SLA: variants seen among roughly 807,000 people sequenced by gnomAD.
SLA encodes Src like adaptor, also known as src-like-adapter.
In SLA, 16 loss-of-function variants were observed where a neutral mutation model predicts 30.3. The observed-to-expected ratio is 0.53, with a 90% CI of 0.36 to 0.80. The LOEUF is 0.80. Among genes scored for constraint, SLA ranks in the 30% least tolerant of loss-of-function variants. The pLI is 0.01. For synonymous variants in SLA, 143 were observed against 137.8 expected (o/e 1.04, Z -0.26); for missense variants, 310 against 345.2 (o/e 0.90, Z 0.81).
intron 2 of SLA, among the ~76,000 whole-genome samples, chr8:133,067,897 AG>A (rs1564145707): frequency 3.5e-4 from 41 of 116,010 alleles, no homozygotes; most frequent in South Asian, 1.2e-3. Flanking sequence ...TATGTATGGA[AG>A]GAAGGAAGGA....
intron 1 of SLA, among the ~76,000 whole-genome samples, chr8:133,090,755 G>A (rs1007901196): frequency 6.6e-6 from 1 of 152,182 alleles, no homozygotes; most frequent in African/African-American, 2.4e-5. Context: ...GTTAGGAACT[G>A]GAAGCTCAGA....
intron 1 of SLA, among the ~76,000 whole-genome samples, chr8:133,101,027 C>T (rs1849172944): frequency 6.6e-6 from 1 of 152,086 alleles, no homozygotes; most frequent in South Asian, 2.1e-4. Context: ...CTAACTAGTC[C>T]TTTGGAAAGC....
intron 7 of SLA, 88 bp downstream of exon 7, chr8:133,044,896 C>T (rs1288063069): frequency 2.2e-6 from 3 of 1,340,058 alleles, no homozygotes; most frequent in Non-Finnish European, 2.1e-6. Flanking sequence ...AAGCAAGACC[C>T]CTCTGCATTC....
intron 1 of SLA, chr8:133,095,047 G>A (rs769050898): frequency 5.0e-6 from 8 of 1,613,358 alleles, no homozygotes; most frequent in Non-Finnish European, 6.8e-6. Context: ...CTTCCAGGGA[G>A]GCTCCGCACT....
At chr8:133,071,373 G>C (rs1367950162) in intron 2 of SLA, among the ~76,000 whole-genome samples, 1 of 152,198 alleles carries the variant, frequency 6.6e-6, no homozygotes, top group East Asian at 1.9e-4. Flanking sequence ...CTAGAGCCTG[G>C]CTCCCAGCTA....
At chr8:133,040,870 C>G (rs565891784) in intron 7 of SLA, among the ~76,000 whole-genome samples, 1 of 152,330 alleles carries the variant, frequency 6.6e-6, no homozygotes, top group Admixed American at 6.5e-5. Context: ...CTCTTTCACT[C>G]TAGAAGCTCA....
intron 2 of SLA, 27 bp downstream of exon 2, chr8:133,074,826 C>T (rs1288006708): frequency 1.2e-5 from 12 of 984,492 alleles, no homozygotes; most frequent in Admixed American, 6.1e-5. Context: ...CTCCCCACCC[C>T]ATCTCTGCCA....
At chr8:133,050,180 G>A (rs1299878387) in intron 4 of SLA, 192 bp from the exon 5 acceptor site, 6 of 584,422 alleles carry the variant, frequency 1.0e-5, no homozygotes, top group Admixed American at 5.6e-5. Context: ...CCAGTGGATA[G>A]CCCTCCATTG....
At chr8:133,077,868 C>T (rs931144421) in intron 1 of SLA, among the ~76,000 whole-genome samples, 6 of 152,052 alleles carry the variant, frequency 3.9e-5, no homozygotes, top group Non-Finnish European at 7.4e-5. Flanking sequence ...AGGAGCCCCC[C>T]GCACCCCTCC....
At chr8:133,055,824 CCAGCAGCAGCAGCAGCAGCAG>C (rs36210010) in intron 3 of SLA, among the ~76,000 whole-genome samples, 72,864 of 150,726 alleles carry the variant, frequency 0.48, 18,448 homozygotes, top group African/African-American at 0.62. Context: ...CTCCTCATCA[CCAGCAGCAGCAGCAGCAGCAG>C]CAGCAGCAGC....
rs142545358 is a variant in SLA at position 133,038,498 on chromosome 8, G to T, written c.*26C>A. 2.5e-3 allele frequency: 3,768 copies of T among 1,534,448 alleles called. 11 individuals are homozygous for T. The highest frequency in any genetic ancestry group is 3.0e-3 in the Non-Finnish European group (3,337 of 1,107,244). On this transcript the variant is annotated 3_prime_UTR_variant, in exon 9 of 9. Coordinates refer to ENST00000338087, the MANE Select transcript of SLA (RefSeq NM_001045556.3). ...TAGTTGGAACTTCTGTTCCTTTTGG[G>T]CATGAACCATTGTGTCTGTTCTTGG... is the stretch of plus-strand genomic sequence containing the variant.
At chr8:133,066,930 G>A (rs1008097534) in intron 2 of SLA, among the ~76,000 whole-genome samples, 6 of 152,256 alleles carry the variant, frequency 3.9e-5, no homozygotes, top group South Asian at 4.1e-4. Flanking sequence ...CTCTGTCTGG[G>A]CCAAAGAGTC....
At chr8:133,050,055 A>G in intron 4 of SLA, 67 bp from the exon 5 acceptor site, 2 of 1,010,002 alleles carry the variant, frequency 2.0e-6, no homozygotes, top group Non-Finnish European at 1.6e-6. Flanking sequence ...ATGAATGAAC[A>G]GAGTAATCAG....
At position 133,050,899 on chromosome 8, in the gene SLA, G is replaced by A. The variant is rs1405947277; in HGVS notation, c.78C>T (p.Phe26=). 6 of 1,612,832 alleles carry A rather than the reference G, an allele frequency of 3.7e-6. No homozygotes were observed. In the South Asian group the frequency reaches 4.4e-5, roughly 12 times the overall value. ...LPNPEGLDSD[F]LAVLSDYPSP... ...ACGGGTAGTCACTTAGCACGGCAAG[G>A]AAGTCGCTATCCAGTCCTGGGGAAA... The change falls in exon 4 of 9, where the codon TTC becomes TTT. Residue 26 remains phenylalanine (F), a synonymous_variant. Transcript: ENST00000338087.
chr8:133,050,065 G>A (rs1840118114), intron 4 of SLA, 77 bp from the exon 5 acceptor site: 3 of 953,328 alleles, frequency 3.1e-6, no homozygotes, highest in Non-Finnish European at 5.2e-6. Context: ...AGAGTAATCA[G>A]ATTTAACCCA....
At chr8:133,049,772 G>A in intron 5 of SLA, 130 bp downstream of exon 5, 1 of 700,752 alleles carries the variant, frequency 1.4e-6, no homozygotes. Flanking sequence ...TGACTGGGTT[G>A]GGAGCAGGAC....
At chr8:133,094,692 T>C in intron 1 of SLA, 2 of 373,942 alleles carry the variant, frequency 5.3e-6, no homozygotes, top group South Asian at 4.5e-5. Context: ...TTTGCAGAGT[T>C]CTCTTCCCAG....
At chr8:133,045,906 G>A (rs974157100) in intron 6 of SLA, among the ~76,000 whole-genome samples, 1 of 152,158 alleles carries the variant, frequency 6.6e-6, no homozygotes, top group African/African-American at 2.4e-5. Flanking sequence ...ATTTGAGGGG[G>A]TCCTTGCAGT....
intron 1 of SLA, among the ~76,000 whole-genome samples, chr8:133,082,205 A>C (rs1845854592): frequency 6.6e-6 from 1 of 152,186 alleles, no homozygotes; most frequent in Admixed American, 6.5e-5. Context: ...TCATAACACC[A>C]ACCTTCCTTA....
Sources: allele counts gnomAD v4.1 joint callset (sites outside exome capture counted in the v4.1 genomes callset), GRCh38; gene constraint gnomAD v4.1.1; transcripts MANE v1.5; gene names NCBI Gene and HGNC (gene_info 2026-07-23, HGNC 2026-07-21).